The following NAT2 variants were observed in gnomAD, a reference collection of about 807,000 sequenced individuals.
NAT2 encodes the protein N-acetyltransferase 2, also known as arylamine N-acetyltransferase 2.
For missense variants in NAT2, 428 were observed against 339.1 expected (o/e 1.26, Z -2.06); for synonymous variants, 137 against 125.9 (o/e 1.09, Z -0.59).
chr8:18,396,774 A>G (rs1800700072), intron 1 of NAT2, among the ~76,000 whole-genome samples: 1 of 152,228 alleles, frequency 6.6e-6, no homozygotes, highest in Admixed American at 6.5e-5. Flanking sequence ...GTAAAAAAAT[A>G]CGTTTAACAT....
chr8:18,392,133 GTTGA>G (rs1363913583), intron 1 of NAT2, among the ~76,000 whole-genome samples: 12 of 152,202 alleles, frequency 7.9e-5, no homozygotes, highest in African/African-American at 2.7e-4. Flanking sequence ...CATGTGACAG[GTTGA>G]TTAATAGGGG....
chr8:18,400,366 C>G lies in NAT2; in HGVS notation c.363C>G (p.Val121=), dbSNP rs372383623. The G allele has an allele frequency of 6.2e-7, 1 of 1,612,328 alleles. No homozygotes were observed. Reference sequence around the variant, plus strand: ...CCATTGACGGCAGGAATTACATTGTCGATGCTGGGTCTGGAAGCTCCTCCC... The same window carrying G: ...CCATTGACGGCAGGAATTACATTGTGGATGCTGGGTCTGGAAGCTCCTCCC... ...QVTIDGRNYI[V]DAGSGSSSQM... is the part of the protein sequence containing the mutation. The change falls in exon 2 of 2, where the codon GTC becomes GTG. Residue 121 remains valine, a synonymous_variant. Transcript: ENST00000286479.
At chr8:18,386,438 C>G (rs1037275369), upstream of NAT2, among the ~76,000 whole-genome samples, 1 of 152,026 alleles carries the variant, frequency 6.6e-6, no homozygotes, top group Non-Finnish European at 1.5e-5. Context: ...GAATGCGGCC[C>G]GGGCTACTAA....
chr8:18,387,974 AG>A (rs1800532448), upstream of NAT2, among the ~76,000 whole-genome samples: 1 of 152,180 alleles, frequency 6.6e-6, no homozygotes, highest in Admixed American at 6.5e-5. Flanking sequence ...ACCTCACTTC[AG>A]TTAGGCCCTT....
rs1800768846 is a variant in NAT2 at position 18,400,373 on chromosome 8, G to C, written c.370G>C (p.Gly124Arg). ...CGGCAGGAATTACATTGTCGATGCT[G>C]GGTCTGGAAGCTCCTCCCAGATGTG... is the stretch of plus-strand genomic sequence containing the variant. ...IDGRNYIVDAGSGSSSQMWQP... is the reference protein window; with the variant it reads ...IDGRNYIVDARSGSSSQMWQP... Residue 124 changes from glycine (G) to arginine (R), a missense_variant, in exon 2 of 2, where the codon GGG becomes CGG. Gly to Arg is a moderately radical substitution (Grantham distance 125). Transcript: ENST00000286479. 1.9e-6 allele frequency: 3 copies of C among 1,612,206 alleles called. No individual in the cohort carries two copies. The highest frequency in any genetic ancestry group is 2.5e-6 in the Non-Finnish European group (3 of 1,179,296).
chr8:18,395,758 T>C (rs1390548460), intron 1 of NAT2, among the ~76,000 whole-genome samples: 1 of 152,146 alleles, frequency 6.6e-6, no homozygotes, highest in African/African-American at 2.4e-5. Flanking sequence ...ACAGATATTG[T>C]GGTGGAAAAA....
At chr8:18,397,186 T>C (rs1200008546) in intron 1 of NAT2, among the ~76,000 whole-genome samples, 1 of 152,112 alleles carries the variant, frequency 6.6e-6, no homozygotes, top group Non-Finnish European at 1.5e-5. Flanking sequence ...TATATAATTC[T>C]GTTTATAAAG....
At chr8:18,389,470 T>C (rs569112578), upstream of NAT2, among the ~76,000 whole-genome samples, 3 of 152,188 alleles carry the variant, frequency 2.0e-5, no homozygotes, top group Admixed American at 6.5e-5. Flanking sequence ...AATAGGTATG[T>C]GAAGAACCTA....
chr8:18,399,894 T>C (rs1012924704), intron 1 of NAT2, 104 bp from the exon 2 acceptor site: 4 of 1,256,234 alleles, frequency 3.2e-6, no homozygotes, highest in African/African-American at 1.5e-5. Flanking sequence ...CTTATAACCA[T>C]TGTGTTTTTA....
chr8:18,387,080 G>C (rs936310699), upstream of NAT2: 1 of 152,518 alleles, frequency 6.6e-6, no homozygotes, highest in African/African-American at 2.4e-5. Context: ...CTGGGGTGGG[G>C]GAAGGGGGGA....
upstream of NAT2, among the ~76,000 whole-genome samples, chr8:18,390,327 A>C (rs1800572446): frequency 6.6e-6 from 1 of 152,222 alleles, no homozygotes; most frequent in Non-Finnish European, 1.5e-5. Context: ...TAGCTCATAG[A>C]AGTTAAGAGT....
At chr8:18,397,922 C>T (rs1447285045) in intron 1 of NAT2, among the ~76,000 whole-genome samples, 7 of 151,796 alleles carry the variant, frequency 4.6e-5, no homozygotes, top group Admixed American at 3.3e-4. Context: ...TGAAGTGTTT[C>T]GTCTTAAAGC....
chr8:18,390,538 A>T (rs971536508), upstream of NAT2, among the ~76,000 whole-genome samples: 9 of 152,174 alleles, frequency 5.9e-5, no homozygotes, highest in Non-Finnish European at 1.0e-4. Flanking sequence ...ACACACTACC[A>T]AATAAATATA....
At chr8:18,391,035 A>G (rs190740830), upstream of NAT2, among the ~76,000 whole-genome samples, 26 of 152,292 alleles carry the variant, frequency 1.7e-4, no homozygotes, top group Admixed American at 1.0e-3. Flanking sequence ...AGACTTCCAG[A>G]GAGCAAGAAC....
chr8:18,397,790 C>T (rs1402247800), intron 1 of NAT2, among the ~76,000 whole-genome samples: 1 of 152,106 alleles, frequency 6.6e-6, no homozygotes, highest in Non-Finnish European at 1.5e-5. Context: ...GTGTATCCTG[C>T]TGCTTTTAGC....
At chr8:18,386,953 C>T (rs1800513915), upstream of NAT2, among the ~76,000 whole-genome samples, 1 of 152,228 alleles carries the variant, frequency 6.6e-6, no homozygotes, top group Non-Finnish European at 1.5e-5. Context: ...AGCCGAGTTC[C>T]ACGGAGGTTG....
In NAT2 at chr8:18,399,983, G is replaced by C; in HGVS notation, c.-6-15G>C. The C allele has an allele frequency of 6.5e-7, 1 of 1,540,106 alleles. No individual in the cohort carries two copies. Among genetic ancestry groups the C allele is most frequent in the Non-Finnish European group, 8.7e-7 (1 of 1,144,068 alleles). On this transcript the variant is annotated splice_polypyrimidine_tract_variant and intron_variant, in intron 1 of 1. Transcript: ENST00000286479. The stretch of plus-strand genomic sequence containing the variant: ...AAAGTATGATATGTTTTTATGTTTT[G>C]TTTTTCTTGCTTAGGGGATCATGGA...
intron 1 of NAT2, among the ~76,000 whole-genome samples, chr8:18,396,255 T>C (rs535354510): frequency 1.0e-3 from 150 of 144,396 alleles, no homozygotes; most frequent in African/African-American, 3.9e-3. Context: ...CCTGAATTAG[T>C]ATGCTTTTTA....
intron 1 of NAT2, among the ~76,000 whole-genome samples, chr8:18,393,705 T>A (rs1394019180): frequency 6.6e-6 from 1 of 152,146 alleles, no homozygotes; most frequent in Non-Finnish European, 1.5e-5. Flanking sequence ...TGCAAGACTT[T>A]AAGAAAACCC....
Sources: gnomAD v4.1 joint callset for allele counts (sites outside exome capture counted in the v4.1 genomes callset) on GRCh38, gnomAD v4.1.1 for gene constraint, MANE v1.5 for transcripts, NCBI Gene and HGNC (gene_info 2026-07-23, HGNC 2026-07-21) for gene names.